Variants in TMEM38B observed in about 807,000 individuals in gnomAD.
TMEM38B encodes the protein trimeric intracellular cation channel type B.
In TMEM38B, 24 loss-of-function variants were observed where a neutral mutation model predicts 28.7. The observed-to-expected ratio is 0.84, with a 90% CI of 0.61 to 1.18. TMEM38B has a LOEUF of 1.18. TMEM38B is among the 50% of genes most tolerant of loss of function. The pLI is 0.00. For missense variants in TMEM38B, 380 were observed against 350.9 expected (o/e 1.08, Z -0.66); for synonymous variants, 131 against 127.7 (o/e 1.03, Z -0.17).
chr9:105,738,180 C>T (rs966317142), intron 4 of TMEM38B, among the ~76,000 whole-genome samples: 1 of 151,938 alleles, frequency 6.6e-6, no homozygotes, highest in Non-Finnish European at 1.5e-5. Context: ...CGTATGGACT[C>T]TGAACAATTC....
intron 4 of TMEM38B, 141 bp downstream of exon 4, chr9:105,722,762 C>T: frequency 1.7e-6 from 1 of 601,632 alleles, no homozygotes; most frequent in Non-Finnish European, 2.8e-6. Context: ...GGGAAGAGAA[C>T]TAGCAAATTT....
intron 5 of TMEM38B, among the ~76,000 whole-genome samples, chr9:105,772,908 T>C (rs980029376): frequency 5.9e-5 from 9 of 152,132 alleles, no homozygotes; most frequent in Non-Finnish European, 1.3e-4. Context: ...TCTATTCCTT[T>C]TGTGATGAAT....
chr9:105,766,897 C>T (rs1370388772), intron 5 of TMEM38B, among the ~76,000 whole-genome samples: 1 of 129,880 alleles, frequency 7.7e-6, no homozygotes. Context: ...CCCCTCCCCC[C>T]ACCCCACGAC....
chr9:105,710,848 A>T, intron 2 of TMEM38B: 1 of 367,570 alleles, frequency 2.7e-6, no homozygotes, highest in South Asian at 2.3e-5. Flanking sequence ...CTGGCTGCCA[A>T]GCCTCAGACA....
chr9:105,705,808 G>T, intron 2 of TMEM38B, 55 bp downstream of exon 2: 3 of 1,494,702 alleles, frequency 2.0e-6, no homozygotes, highest in South Asian at 2.7e-5. Flanking sequence ...GTTGTAAATT[G>T]TTAGTAAAAT....
chr9:105,773,903 T>G lies in TMEM38B; in HGVS notation c.699T>G (p.Phe233Leu). 1 of 1,613,782 alleles carries G rather than the reference T, an allele frequency of 6.2e-7. No homozygotes were observed. The highest frequency in any genetic ancestry group is 2.2e-5 in the East Asian group (1 of 44,878). ...MMTTQTSTMT[F>L]APFEDTLSWM... ...CTACACAGACTTCTACTATGACATT[T>G]GCTCCTTTTGAGGATACATTGAGTT... Residue 233 changes from phenylalanine to leucine, a missense_variant, in exon 6 of 6, where the codon TTT (phenylalanine) becomes TTG (leucine). Physicochemically the swap from Phe to Leu is conservative, Grantham distance 22. Transcript: ENST00000374692.
At chr9:105,770,824 G>A (rs1826520964) in intron 5 of TMEM38B, among the ~76,000 whole-genome samples, 1 of 152,176 alleles carries the variant, frequency 6.6e-6, no homozygotes, top group African/African-American at 2.4e-5. Flanking sequence ...TGTTCTGGAT[G>A]AAGAGAGAGA....
intron 4 of TMEM38B, among the ~76,000 whole-genome samples, chr9:105,734,211 A>G (rs530433758): frequency 3.9e-5 from 6 of 152,104 alleles, no homozygotes; most frequent in Non-Finnish European, 7.4e-5. Context: ...TTGGTTGCCC[A>G]GGAGCATCCT....
Position 105,758,263 on chromosome 9 carries a change from C to T in TMEM38B, c.660+10073C>T, listed in dbSNP as rs924844865. 3.1e-5 allele frequency: 21 copies of T among 670,020 alleles called. No individual in the cohort carries two copies. The African/African-American group carries it at 3.8e-4, about 12-fold the overall frequency. The allele number at this position is 670,020 out of a possible 1,614,324, so 41.5% of individuals were successfully genotyped here. A position where few individuals can be genotyped will look rare whatever the true frequency, so the allele number is the denominator to read the frequency against. On this transcript the variant is annotated intron_variant, in intron 5 of 5. Coordinates refer to ENST00000374692, the MANE Select transcript of TMEM38B (RefSeq NM_018112.3). The stretch of plus-strand genomic sequence containing the variant: ...ATTCGTCCTACTTTACCAGTGTGGA[C>T]ACTGAGGCTCACAGACGTTAAATCC...
chr9:105,724,659 C>T lies in TMEM38B; in HGVS notation c.542+2038C>T, dbSNP rs1836443797. Among the ~76,000 whole-genome samples, 7 of 151,230 alleles carry T rather than the reference C, an allele frequency of 4.6e-5. No individual in the cohort carries two copies. In the South Asian group the frequency reaches 1.5e-3, roughly 32 times the overall value. Reference sequence around the variant, plus strand: ...AAAAGAAGAAGGTGGAAAGGCAGTACAAGTGATGAAGTACATTTGTGTGAA... The same window carrying T: ...AAAAGAAGAAGGTGGAAAGGCAGTATAAGTGATGAAGTACATTTGTGTGAA... On this transcript the variant is annotated intron_variant, in intron 4 of 5. Transcript: ENST00000374692.
intron 2 of TMEM38B, among the ~76,000 whole-genome samples, chr9:105,718,288 G>C (rs1351501450): frequency 6.6e-6 from 1 of 151,106 alleles, no homozygotes; most frequent in South Asian, 2.1e-4. Context: ...GCCTAGGCTG[G>C]AGTGCAATGG....
At chr9:105,750,878 A>G (rs760167613) in intron 5 of TMEM38B, among the ~76,000 whole-genome samples, 10 of 152,196 alleles carry the variant, frequency 6.6e-5, no homozygotes, top group Non-Finnish European at 1.3e-4. Flanking sequence ...TCTGAGCACT[A>G]TTTATTGTAA....
In TMEM38B at chr9:105,738,857, A is replaced by G. The variant is rs114389906; in HGVS notation, c.543-9216A>G. ...CTCAGCCTCCTGAGTAGCTGGGACTACAGGCATATATTGCCACACCCAGGT... is the reference window on the plus strand; with the variant it reads ...CTCAGCCTCCTGAGTAGCTGGGACTGCAGGCATATATTGCCACACCCAGGT... On this transcript the variant is annotated intron_variant, in intron 4 of 5. Transcript: ENST00000374692. Among the ~76,000 whole-genome samples, 1,479 of 151,726 alleles carry G rather than the reference A, an allele frequency of 9.7e-3. 24 individuals carry two copies. Among genetic ancestry groups the G allele is most frequent in the African/African-American group, 0.034 (1,409 of 41,304 alleles).
At chr9:105,742,418 AC>A (rs1322896743) in intron 4 of TMEM38B, among the ~76,000 whole-genome samples, 1 of 152,130 alleles carries the variant, frequency 6.6e-6, no homozygotes. Flanking sequence ...GGACTGTTGA[AC>A]CTTTTTCCTC....
chr9:105,718,954 G>C (rs1246537743), intron 2 of TMEM38B, among the ~76,000 whole-genome samples: 1 of 152,150 alleles, frequency 6.6e-6, no homozygotes, highest in African/African-American at 2.4e-5. Context: ...TTGTTGGAGT[G>C]ATAAGAGCAA....
chr9:105,771,577 T>C (rs1350857593), intron 5 of TMEM38B, among the ~76,000 whole-genome samples: 2 of 152,228 alleles, frequency 1.3e-5, no homozygotes, highest in African/African-American at 4.8e-5. Context: ...GGAATTCTAT[T>C]ATCTTTTATT....
chr9:105,700,558 C>A (rs1835430500), intron 1 of TMEM38B, among the ~76,000 whole-genome samples: 1 of 152,142 alleles, frequency 6.6e-6, no homozygotes, highest in South Asian at 2.1e-4. Context: ...CTTTGCATGA[C>A]CATTTACTGT....
intron 5 of TMEM38B, among the ~76,000 whole-genome samples, chr9:105,753,241 C>A (rs192869917): frequency 9.9e-4 from 151 of 152,292 alleles, no homozygotes; most frequent in African/African-American, 3.4e-3. Flanking sequence ...GGAAAACATA[C>A]TTCAGGATAT....
chr9:105,721,423 A>T (rs1263978614), intron 2 of TMEM38B, 114 bp from the exon 3 acceptor site: 20 of 801,416 alleles, frequency 2.5e-5, no homozygotes, highest in Admixed American at 6.9e-5. Flanking sequence ...AAATGTTTAT[A>T]TGGAAAATTC....
Sources: allele counts gnomAD v4.1 joint callset (sites outside exome capture counted in the v4.1 genomes callset), GRCh38; gene constraint gnomAD v4.1.1; transcripts MANE v1.5; gene names NCBI Gene and HGNC (gene_info 2026-07-23, HGNC 2026-07-21).